Variants in MMP26 observed in about 807,000 individuals in gnomAD.
The protein encoded by MMP26 is matrix metallopeptidase 26.
In MMP26, 33 loss-of-function variants were observed where a neutral mutation model predicts 31.0. The observed-to-expected ratio is 1.06, with a 90% CI of 0.81 to 1.42. The LOEUF is 1.42. MMP26 is among the 40% of genes most tolerant of loss of function. The pLI is 0.00. For missense variants in MMP26, 347 were observed against 316.1 expected (o/e 1.10, Z -0.74); for synonymous variants, 122 against 114.9 (o/e 1.06, Z -0.40).
chr11:4,850,209 A>G (rs978476398), intron 2 of MMP26, among the ~76,000 whole-genome samples: 6 of 152,154 alleles, frequency 3.9e-5, no homozygotes, highest in African/African-American at 1.4e-4. Context: ...AATTACTAAT[A>G]TATATTCCCA....
chr11:4,886,561 T>C (rs1359445035), intron 2 of MMP26, among the ~76,000 whole-genome samples: 1 of 151,812 alleles, frequency 6.6e-6, no homozygotes, highest in Non-Finnish European at 1.5e-5. Context: ...TTTCAATAAA[T>C]ACATGTACTG....
In MMP26 at chr11:4,916,402, G is replaced by GAA. The variant is rs79703641; in HGVS notation, c.-144-71658_-144-71657dup. Among the ~76,000 whole-genome samples, 1,047 of 150,638 alleles carry GAA rather than the reference G, an allele frequency of 7.0e-3. 11 individuals carry two copies. Among genetic ancestry groups the GAA allele is most frequent in the African/African-American group, 0.023 (959 of 41,158 alleles). ...CCTCTTACAAATAGATCTTTTACTG[G>GAA]AAAAAAAAAGTCCTCACATGCCTTT... On this transcript the variant is annotated intron_variant, in intron 2 of 7. Coordinates refer to ENST00000380390, the MANE Select transcript of MMP26 (RefSeq NM_021801.5).
At chr11:4,712,667 A>G (rs557231031) in intron 1 of MMP26, among the ~76,000 whole-genome samples, 20 of 152,248 alleles carry the variant, frequency 1.3e-4, no homozygotes, top group African/African-American at 4.8e-4. Context: ...TTCATGCTTT[A>G]ATAATGTAAT....
chr11:4,769,559 G>A lies in MMP26; in HGVS notation c.-145+2218G>A, dbSNP rs765009556. ...GATGGCCACATAACGGTCAAAGGCTGTAGCCACCAGCACTCCAGATTCCAT... is the reference window on the plus strand; with the variant it reads ...GATGGCCACATAACGGTCAAAGGCTATAGCCACCAGCACTCCAGATTCCAT... On this transcript the variant is annotated intron_variant, in intron 2 of 7. Coordinates refer to ENST00000380390, the MANE Select transcript of MMP26 (RefSeq NM_021801.5). 4 of 1,613,234 alleles carry A rather than the reference G, an allele frequency of 2.5e-6. No individual in the cohort carries two copies. In the East Asian group the frequency reaches 6.7e-5, roughly 27 times the overall value.
chr11:4,989,835 G>A lies in MMP26; in HGVS notation c.287G>A (p.Arg96Lys). 2 of 1,611,386 alleles carry A rather than the reference G, an allele frequency of 1.2e-6. No homozygotes were observed. Among genetic ancestry groups the A allele is most frequent in the Non-Finnish European group, 1.7e-6 (2 of 1,180,004 alleles). ...TCCGACACCTCCATCTCGCCAGGAA[G>A]ATGCAAGTGGAATAAGCACACTCTA... Reference protein sequence around the residue: ...DGSDTSISPGRCKWNKHTLTY... With the variant: ...DGSDTSISPGKCKWNKHTLTY... The change falls in exon 4 of 8, where the codon AGA becomes AAA. Residue 96 changes from arginine to lysine, a missense_variant. Transcript: ENST00000380390.
At chr11:4,811,922 T>C (rs918653354) in intron 2 of MMP26, among the ~76,000 whole-genome samples, 2 of 152,152 alleles carry the variant, frequency 1.3e-5, no homozygotes, top group South Asian at 2.1e-4. Flanking sequence ...CCCTCATCAT[T>C]TGAGTCTTTC....
intron 2 of MMP26, among the ~76,000 whole-genome samples, chr11:4,806,329 G>T (rs1849269396): frequency 6.6e-6 from 1 of 152,078 alleles, no homozygotes; most frequent in Non-Finnish European, 1.5e-5. Context: ...GGGTGTTAAA[G>T]TCTCCCGTTA....
chr11:4,910,600 A>G (rs1188289423), intron 2 of MMP26, among the ~76,000 whole-genome samples: 5 of 147,078 alleles, frequency 3.4e-5, no homozygotes, highest in Non-Finnish European at 7.6e-5. Context: ...TTATACCTCA[A>G]TTTTATTCCC....
chr11:4,865,656 G>T lies in MMP26; in HGVS notation c.-145+98315G>T, dbSNP rs116605270. 9.7e-3 allele frequency among the ~76,000 whole-genome samples: 1,481 copies of T among 152,120 alleles called. 27 individuals carry two copies. The highest frequency in any genetic ancestry group is 0.032 in the African/African-American group (1,346 of 41,504). On this transcript the variant is annotated intron_variant, in intron 2 of 7. Transcript: ENST00000380390. Reference sequence around the variant, plus strand: ...CAGAGGAGTAGCAGGAGTAGGAGTAGTAGTTGTAGTACCAGTAGTTTTATC... The same window carrying T: ...CAGAGGAGTAGCAGGAGTAGGAGTATTAGTTGTAGTACCAGTAGTTTTATC...
At chr11:4,738,392 A>C (rs1848269686) in intron 1 of MMP26, among the ~76,000 whole-genome samples, 1 of 152,206 alleles carries the variant, frequency 6.6e-6, no homozygotes, top group South Asian at 2.1e-4. Flanking sequence ...GGTTTTGCAG[A>C]TTCTTACTGG....
At chr11:4,977,323 C>G (rs1239146386) in intron 2 of MMP26, among the ~76,000 whole-genome samples, 1 of 152,042 alleles carries the variant, frequency 6.6e-6, no homozygotes, top group African/African-American at 2.4e-5. Flanking sequence ...GTTAGAAAAG[C>G]TATATTTAAT....
At chr11:4,734,577 G>A (rs1034636470) in intron 1 of MMP26, among the ~76,000 whole-genome samples, 4 of 151,896 alleles carry the variant, frequency 2.6e-5, no homozygotes, top group African/African-American at 9.7e-5. Context: ...TTTGGTACGC[G>A]GCGTCTTCAC....
intron 2 of MMP26, among the ~76,000 whole-genome samples, chr11:4,801,055 T>G (rs1849174343): frequency 6.6e-6 from 1 of 152,212 alleles, no homozygotes; most frequent in South Asian, 2.1e-4. Flanking sequence ...GTTCATTTCT[T>G]CACTTCAAGT....
At chr11:4,790,979 G>A (rs567237098) in intron 2 of MMP26, among the ~76,000 whole-genome samples, 4 of 152,146 alleles carry the variant, frequency 2.6e-5, no homozygotes, top group Admixed American at 2.6e-4. Context: ...TGCTACCTTC[G>A]AAGTACATTA....
At chr11:4,876,220 A>G (rs1290839864) in intron 2 of MMP26, 1 of 152,186 alleles carries the variant, frequency 6.6e-6, no homozygotes, top group East Asian at 1.9e-4. Context: ...CACAATGTCA[A>G]ATTCTTCCCT....
intron 2 of MMP26, among the ~76,000 whole-genome samples, chr11:4,941,023 G>C (rs982305965): frequency 6.6e-6 from 1 of 150,774 alleles, no homozygotes; most frequent in East Asian, 2.0e-4. Flanking sequence ...CTTTCTGTTG[G>C]ATTATATACC....
chr11:4,902,183 T>C (rs1318668641), intron 2 of MMP26, among the ~76,000 whole-genome samples: 1 of 152,188 alleles, frequency 6.6e-6, no homozygotes, highest in Non-Finnish European at 1.5e-5. Flanking sequence ...TGGGTACTAT[T>C]ACAGTTCACT....
intron 2 of MMP26, among the ~76,000 whole-genome samples, chr11:4,846,924 G>A (rs1229097565): frequency 6.6e-6 from 1 of 152,142 alleles, no homozygotes; most frequent in African/African-American, 2.4e-5. Flanking sequence ...CTGGTCAGTA[G>A]GTTGTCAGAG....
rs189100909 is a variant in MMP26 at position 4,916,123 on chromosome 11, C to A, written c.-144-71945C>A. On this transcript the variant is annotated intron_variant, in intron 2 of 7. Coordinates refer to ENST00000380390, the MANE Select transcript of MMP26 (RefSeq NM_021801.5). ...CATGAGGTCAGGAGGTTGAGACCAT[C>A]CTGGCTAACACAGTGAAACCCAGTC... Among the ~76,000 whole-genome samples, 238 of 151,428 alleles carry A rather than the reference C, an allele frequency of 1.6e-3. 6 individuals carry two copies. The highest frequency in any genetic ancestry group is 0.015 in the Admixed American group (230 of 15,184).
Sources: allele counts gnomAD v4.1 joint callset (sites outside exome capture counted in the v4.1 genomes callset), GRCh38; gene constraint gnomAD v4.1.1; transcripts MANE v1.5; gene names NCBI Gene and HGNC (gene_info 2026-07-23, HGNC 2026-07-21).